CTNNA3: variants seen among roughly 807,000 people sequenced by gnomAD.
CTNNA3 encodes catenin alpha 3.
CTNNA3 carries 76 observed loss-of-function variants against 95.7 expected under a neutral mutation model. The observed-to-expected ratio is 0.79, with a 90% CI of 0.66 to 0.96. CTNNA3 has a LOEUF of 0.96. CTNNA3 is among the 40% of genes least tolerant of loss of function. The pLI, the probability that CTNNA3 is intolerant of heterozygous loss-of-function variation, is 0.00. For synonymous variants in CTNNA3, 431 were observed against 374.4 expected, an observed-to-expected ratio of 1.15 and a Z score of -1.74; for missense variants, 1,191 against 1,089.8, an observed-to-expected ratio of 1.09 and a Z score of -1.31.
intron 7 of CTNNA3, among the ~76,000 whole-genome samples, chr10:67,031,567 T>A (rs942447629): frequency 2.0e-5 from 3 of 152,192 alleles, no homozygotes; most frequent in African/African-American, 7.2e-5. Flanking sequence ...CTTAGGACCT[T>A]TAAGAGGACA....
intron 5 of CTNNA3, among the ~76,000 whole-genome samples, chr10:67,298,290 G>A (rs543510723): frequency 2.8e-4 from 43 of 152,330 alleles, no homozygotes; most frequent in Admixed American, 1.2e-3. Flanking sequence ...TAGCCCATCC[G>A]AAGGTAATAT....
chr10:66,242,065 C>T (rs1231596638), intron 13 of CTNNA3, among the ~76,000 whole-genome samples: 1 of 151,978 alleles, frequency 6.6e-6, no homozygotes, highest in Non-Finnish European at 1.5e-5. Context: ...AGAGGTGGGG[C>T]CTTAAGATGA....
chr10:66,137,611 C>G (rs1226697010), intron 13 of CTNNA3, among the ~76,000 whole-genome samples: 1 of 152,046 alleles, frequency 6.6e-6, no homozygotes, highest in African/African-American at 2.4e-5. Flanking sequence ...TGAGGTTATA[C>G]TGGAGAATGC....
chr10:67,280,384 G>A (rs1341810192), intron 5 of CTNNA3, among the ~76,000 whole-genome samples: 3 of 139,804 alleles, frequency 2.1e-5, no homozygotes, highest in Non-Finnish European at 3.2e-5. Flanking sequence ...TCTGTCTCCT[G>A]GTGATGCAGG....
rs113793766 is a variant in CTNNA3, at chr10:66,252,413, T to C, written c.1884+28057A>G. ...TTTTAATTTCAGAGCCAGACAATTA[T>C]GCATTTCTTTAGTCAACAACTAGCT... is the stretch of plus-strand genomic sequence containing the variant. On this transcript the variant is annotated intron_variant, in intron 13 of 17. Transcript: ENST00000433211. Among the ~76,000 whole-genome samples the C allele has an allele frequency of 4.8e-3, 724 of 152,364 alleles. 5 individuals carry two copies. Among genetic ancestry groups the C allele is most frequent in the African/African-American group, 0.017 (703 of 41,588 alleles).
intron 7 of CTNNA3, among the ~76,000 whole-genome samples, chr10:66,918,376 TTACTC>T (rs1158460003): frequency 6.6e-6 from 1 of 152,172 alleles, no homozygotes; most frequent in East Asian, 1.9e-4. Context: ...AAGTACAACT[TTACTC>T]TAAGCTCTAA....
intron 5 of CTNNA3, among the ~76,000 whole-genome samples, chr10:67,384,347 T>A (rs1001867565): frequency 3.3e-5 from 5 of 152,190 alleles, no homozygotes; most frequent in African/African-American, 1.2e-4. Flanking sequence ...ATATATGATA[T>A]CCTTGGAATT....
chr10:66,091,808 A>G (rs2081223735), intron 14 of CTNNA3, among the ~76,000 whole-genome samples: 1 of 151,884 alleles, frequency 6.6e-6, no homozygotes, highest in South Asian at 2.1e-4. Flanking sequence ...ATTTGAAGGA[A>G]AACAGACCTA....
chr10:66,801,049 C>A (rs1589269356), intron 7 of CTNNA3, among the ~76,000 whole-genome samples: 1 of 151,326 alleles, frequency 6.6e-6, no homozygotes, highest in Non-Finnish European at 1.5e-5. Context: ...TCATACTAAT[C>A]TTATGCAAAA....
intron 5 of CTNNA3, among the ~76,000 whole-genome samples, chr10:67,480,783 T>C (rs1848188642): frequency 6.6e-6 from 1 of 152,214 alleles, no homozygotes; most frequent in South Asian, 2.1e-4. Context: ...TCCCACTTTG[T>C]ACTCTATTTC....
At chr10:67,049,665 G>A (rs1854962227) in intron 7 of CTNNA3, among the ~76,000 whole-genome samples, 2 of 152,148 alleles carry the variant, frequency 1.3e-5, no homozygotes, top group African/African-American at 2.4e-5. Flanking sequence ...TTCAGGGGTA[G>A]AATTTTAGGA....
intron 10 of CTNNA3, among the ~76,000 whole-genome samples, chr10:66,604,611 C>T (rs961004561): frequency 8.6e-5 from 13 of 152,010 alleles, no homozygotes; most frequent in Admixed American, 2.0e-4. Context: ...GATTTCTAAC[C>T]TCAAAGAACC....
intron 5 of CTNNA3, among the ~76,000 whole-genome samples, chr10:67,494,160 C>T (rs915111926): frequency 2.4e-4 from 36 of 152,238 alleles, no homozygotes; most frequent in African/African-American, 8.4e-4. Context: ...ATGCTTCATA[C>T]AATCACTATG....
chr10:66,430,733 AC>A (rs937152893), intron 11 of CTNNA3, among the ~76,000 whole-genome samples: 10 of 152,160 alleles, frequency 6.6e-5, no homozygotes, highest in African/African-American at 9.7e-5. Flanking sequence ...CCTTCCTTAC[AC>A]CTTATACAAA....
chr10:66,173,325 A>G (rs2085528312), intron 13 of CTNNA3, among the ~76,000 whole-genome samples: 1 of 152,186 alleles, frequency 6.6e-6, no homozygotes, highest in Non-Finnish European at 1.5e-5. Flanking sequence ...AATTGACAAG[A>G]AAGTTCAATG....
At chr10:66,156,579 C>T (rs1035438832) in intron 13 of CTNNA3, among the ~76,000 whole-genome samples, 4 of 150,892 alleles carry the variant, frequency 2.7e-5, no homozygotes, top group Admixed American at 1.3e-4. Context: ...GTTAGGGAAA[C>T]AGACAATAAA....
chr10:66,432,093 A>G (rs2093301704), intron 11 of CTNNA3, among the ~76,000 whole-genome samples: 1 of 152,184 alleles, frequency 6.6e-6, no homozygotes, highest in Non-Finnish European at 1.5e-5. Flanking sequence ...ATAATTCTGG[A>G]TATTGAGAAA....
chr10:66,698,328 A>G (rs1478966430), intron 9 of CTNNA3, among the ~76,000 whole-genome samples: 1 of 152,188 alleles, frequency 6.6e-6, no homozygotes, highest in South Asian at 2.1e-4. Flanking sequence ...CTTCACATGG[A>G]CATTCCACTT....
chr10:67,638,883 C>G (rs1044674681), intron 2 of CTNNA3, among the ~76,000 whole-genome samples: 3 of 152,076 alleles, frequency 2.0e-5, no homozygotes, highest in Non-Finnish European at 4.4e-5. Flanking sequence ...ATTTATAGCA[C>G]TAAATGCCCA....
Sources: gnomAD v4.1 joint callset for allele counts (sites outside exome capture counted in the v4.1 genomes callset) on GRCh38, gnomAD v4.1.1 for gene constraint, MANE v1.5 for transcripts, NCBI Gene and HGNC (gene_info 2026-07-23, HGNC 2026-07-21) for gene names.